EYS: variants seen among roughly 807,000 people sequenced by gnomAD.
The protein encoded by EYS is EGF-like photoreceptor maintenance factor.
In EYS, 250 loss-of-function variants were observed where a neutral mutation model predicts 282.1. The observed-to-expected ratio is 0.89, with a 90% CI of 0.80 to 0.98. The LOEUF (loss-of-function observed/expected upper bound fraction) is 0.98. Among genes scored for constraint, EYS ranks in the 50% least tolerant of loss-of-function variants. The pLI is 0.00. For synonymous variants in EYS, 1,355 were observed against 1,282.9 expected, an observed-to-expected ratio of 1.06 and a Z score of -1.20; for missense variants, 4,016 against 3,709.0, an observed-to-expected ratio of 1.08 and a Z score of -2.15.
At chr6:64,378,893 C>T (rs1297662153) in intron 29 of EYS, among the ~76,000 whole-genome samples, 2 of 152,148 alleles carry the variant, frequency 1.3e-5, no homozygotes, top group South Asian at 2.1e-4. Flanking sequence ...TTGACAAAGT[C>T]TTAGCACTAA....
chr6:63,813,977 C>T (rs188608804), intron 36 of EYS, among the ~76,000 whole-genome samples: 97 of 152,338 alleles, frequency 6.4e-4, no homozygotes, highest in African/African-American at 2.3e-3. Flanking sequence ...TTGCTTGCCT[C>T]TCCAGTTTTC....
intron 5 of EYS, among the ~76,000 whole-genome samples, chr6:65,483,949 G>C (rs1167214938): frequency 6.6e-6 from 1 of 152,088 alleles, no homozygotes; most frequent in Admixed American, 6.5e-5. Context: ...GCATGGGAAA[G>C]ATGTGCCCCC....
At chr6:65,285,860 G>T (rs1768348439) in intron 12 of EYS, among the ~76,000 whole-genome samples, 1 of 151,792 alleles carries the variant, frequency 6.6e-6, no homozygotes, top group African/African-American at 2.4e-5. Context: ...AAAATCAGGA[G>T]AAAAAGTTCC....
chr6:63,962,531 G>A (rs1457986494), intron 35 of EYS, among the ~76,000 whole-genome samples: 13 of 152,134 alleles, frequency 8.5e-5, no homozygotes, highest in Admixed American at 3.3e-4. Context: ...ACTGGCCATC[G>A]GAGAAATGCA....
chr6:65,301,375 A>T (rs951835098), intron 11 of EYS, among the ~76,000 whole-genome samples: 1 of 152,182 alleles, frequency 6.6e-6, no homozygotes, highest in African/African-American at 2.4e-5. Context: ...TCATAGAGGA[A>T]CTACACCTTC....
chr6:65,438,111 G>T (rs1768152223), intron 5 of EYS, among the ~76,000 whole-genome samples: 2 of 150,292 alleles, frequency 1.3e-5, no homozygotes, highest in South Asian at 2.1e-4. Flanking sequence ...GTAGTGTTTG[G>T]TTTTTTGTCT....
intron 31 of EYS, among the ~76,000 whole-genome samples, chr6:64,184,466 G>T (rs1367443185): frequency 6.6e-6 from 1 of 151,958 alleles, no homozygotes; most frequent in African/African-American, 2.4e-5. Flanking sequence ...CTTCACTTCT[G>T]TAAGTAAGAA....
At chr6:65,565,244 CAAAAAA>C (rs765596305) in intron 2 of EYS, among the ~76,000 whole-genome samples, 15 of 1,618 alleles carry the variant, frequency 9.3e-3, no homozygotes, top group African/African-American at 8.3e-3. Context: ...GACTCCGTCT[CAAAAAA>C]AAAAAAAAAA....
At chr6:64,353,624 C>T (rs2150404692) in intron 29 of EYS, among the ~76,000 whole-genome samples, 2 of 151,620 alleles carry the variant, frequency 1.3e-5, no homozygotes, top group East Asian at 3.9e-4. Context: ...TGAAGTGTAA[C>T]TATTCCTGGG....
chr6:63,889,568 T>C (rs534850178), intron 35 of EYS, among the ~76,000 whole-genome samples: 1 of 152,270 alleles, frequency 6.6e-6, no homozygotes, highest in African/African-American at 2.4e-5. Context: ...GACAAGCAAA[T>C]GCTGAAGGAT....
chr6:65,255,393 CTT>C (rs1011597782), intron 12 of EYS, among the ~76,000 whole-genome samples: 1 of 151,736 alleles, frequency 6.6e-6, no homozygotes, highest in Admixed American at 6.6e-5. Flanking sequence ...AAATTAATAA[CTT>C]AAGTCATAAA....
intron 24 of EYS, among the ~76,000 whole-genome samples, chr6:64,608,560 C>T (rs889336182): frequency 3.3e-5 from 5 of 152,070 alleles, no homozygotes; most frequent in Admixed American, 1.3e-4. Flanking sequence ...GTGTGTGCCT[C>T]GATGTATAGC....
chr6:63,841,487 G>T (rs1581880694), intron 36 of EYS, among the ~76,000 whole-genome samples: 2 of 152,132 alleles, frequency 1.3e-5, no homozygotes, highest in East Asian at 3.8e-4. Flanking sequence ...TGAACTTTGG[G>T]ATTAAATGAG....
At chr6:63,793,841 C>G (rs1562029219) in intron 37 of EYS, among the ~76,000 whole-genome samples, 1 of 152,118 alleles carries the variant, frequency 6.6e-6, no homozygotes, top group East Asian at 1.9e-4. Flanking sequence ...GAAAATGAGA[C>G]CTTCCTGAAC....
At chr6:64,295,729 C>CAA (rs74773239) in intron 30 of EYS, among the ~76,000 whole-genome samples, 1 of 132,936 alleles carries the variant, frequency 7.5e-6, no homozygotes, top group Non-Finnish European at 1.6e-5. Flanking sequence ...ACTCCGTCTC[C>CAA]AAAAAAAAAA....
chr6:64,890,228 C>T lies in EYS; in HGVS notation c.2847-3386G>A, dbSNP rs571649418. 4.6e-5 allele frequency among the ~76,000 whole-genome samples: 7 copies of T among 152,220 alleles called. 1 individual carries two copies. Among genetic ancestry groups the T allele is most frequent in the African/African-American group, 1.7e-4 (7 of 41,546 alleles). On this transcript the variant is annotated intron_variant, in intron 18 of 42. Coordinates refer to ENST00000503581, the MANE Select transcript of EYS (RefSeq NM_001142800.2). Reference sequence around the variant, plus strand: ...TAAGATGTTATCAATGACAATGGTGCCCAAAACTTCATTAGCAATTTTAAT... The same window carrying T: ...TAAGATGTTATCAATGACAATGGTGTCCAAAACTTCATTAGCAATTTTAAT...
At chr6:65,235,782 G>A (rs1342567315) in intron 12 of EYS, among the ~76,000 whole-genome samples, 1 of 151,940 alleles carries the variant, frequency 6.6e-6, no homozygotes, top group Non-Finnish European at 1.5e-5. Context: ...ATACATTGTA[G>A]TACTTTGTAA....
At chr6:64,829,215 G>A (rs951907) in intron 19 of EYS, among the ~76,000 whole-genome samples, 67,371 of 151,734 alleles carry the variant, frequency 0.44, 15,711 homozygotes, top group East Asian at 0.81. Flanking sequence ...GCATTAAATA[G>A]CCATAAAGAA....
At chr6:64,239,858 G>A (rs1766740076) in intron 30 of EYS, among the ~76,000 whole-genome samples, 1 of 152,008 alleles carries the variant, frequency 6.6e-6, no homozygotes, top group African/African-American at 2.4e-5. Context: ...GTATTGTCTA[G>A]GTTTTCTTCT....
Sources: allele counts gnomAD v4.1 joint callset (sites outside exome capture counted in the v4.1 genomes callset), GRCh38; gene constraint gnomAD v4.1.1; transcripts MANE v1.5; gene names NCBI Gene and HGNC (gene_info 2026-07-23, HGNC 2026-07-21).